The following ELMO1 variants were observed in gnomAD, a reference collection of about 807,000 sequenced individuals.
ELMO1 encodes engulfment and cell motility protein 1.
Under a neutral mutation model 98.9 loss-of-function variants are expected in ELMO1, and 26 were observed. That is an observed-to-expected ratio of 0.26 (90% CI 0.19 to 0.36). The LOEUF (loss-of-function observed/expected upper bound fraction) is 0.36, where lower values mean the gene tolerates loss of function less well. Ranked by LOEUF, ELMO1 falls within the 10% of genes least tolerant of loss-of-function variation. The pLI, the probability that ELMO1 is intolerant of heterozygous loss-of-function variation, is 1.00. For synonymous variants in ELMO1, 346 were observed against 346.0 expected, an observed-to-expected ratio of 1.00 and a Z score of 0.00; for missense variants, 627 against 935.2, an observed-to-expected ratio of 0.67 and a Z score of 4.30.
chr7:37,225,885 C>T (rs1266041321), intron 8 of ELMO1, among the ~76,000 whole-genome samples: 1 of 152,086 alleles, frequency 6.6e-6, no homozygotes, highest in Non-Finnish European at 1.5e-5. Context: ...CAATAAAAAG[C>T]CATTATTATA....
intron 1 of ELMO1, among the ~76,000 whole-genome samples, chr7:37,417,969 G>C (rs978323780): frequency 6.6e-6 from 1 of 152,144 alleles, no homozygotes; most frequent in Non-Finnish European, 1.5e-5. Context: ...AAGCTGGAAG[G>C]GGCAAGGAAA....
chr7:36,909,602 C>G (rs889674520), intron 16 of ELMO1, among the ~76,000 whole-genome samples: 1 of 152,218 alleles, frequency 6.6e-6, no homozygotes, highest in Non-Finnish European at 1.5e-5. Flanking sequence ...GGGTTGGTAA[C>G]TATGGGCTTG....
At chr7:36,997,353 T>C (rs1374856546) in intron 16 of ELMO1, among the ~76,000 whole-genome samples, 2 of 152,238 alleles carry the variant, frequency 1.3e-5, no homozygotes, top group African/African-American at 2.4e-5. Context: ...CAAAAGCCAA[T>C]TGATTTTTCA....
chr7:37,375,441 G>C (rs1562651232), intron 1 of ELMO1: 5 of 635,322 alleles, frequency 7.9e-6, no homozygotes, highest in African/African-American at 1.8e-5. Context: ...GGAATAGCAA[G>C]GGCAGTCAGC....
At chr7:37,112,345 C>T (rs544171814) in intron 14 of ELMO1, among the ~76,000 whole-genome samples, 1 of 152,136 alleles carries the variant, frequency 6.6e-6, no homozygotes, top group South Asian at 2.1e-4. Context: ...GGGTGAGGTT[C>T]TGCAGGATTA....
intron 1 of ELMO1, among the ~76,000 whole-genome samples, chr7:37,406,185 C>T (rs573643790): frequency 1.3e-5 from 2 of 151,766 alleles, no homozygotes; most frequent in South Asian, 4.2e-4. Context: ...GAAACAGAAG[C>T]TTCTTGTTAG....
chr7:37,333,971 G>A (rs559342368), intron 2 of ELMO1, among the ~76,000 whole-genome samples: 2 of 152,276 alleles, frequency 1.3e-5, no homozygotes, highest in African/African-American at 4.8e-5. Flanking sequence ...AAAAGTTACC[G>A]TGGGAGCCAA....
At chr7:36,891,876 T>C (rs1805583887) in intron 17 of ELMO1, among the ~76,000 whole-genome samples, 1 of 152,178 alleles carries the variant, frequency 6.6e-6, no homozygotes, top group African/African-American at 2.4e-5. Context: ...TGTCTTTACA[T>C]CTCCCCTTCC....
intron 2 of ELMO1, among the ~76,000 whole-genome samples, chr7:37,337,823 G>A (rs995789949): frequency 2.6e-5 from 4 of 152,112 alleles, no homozygotes; most frequent in African/African-American, 9.7e-5. Flanking sequence ...AGTTTATGCA[G>A]GGAACAGAAA....
chr7:37,002,714 C>T (rs1338409995), intron 16 of ELMO1, among the ~76,000 whole-genome samples: 1 of 152,038 alleles, frequency 6.6e-6, no homozygotes, highest in East Asian at 1.9e-4. Flanking sequence ...GGATATTGAC[C>T]CTATTAACCA....
intron 13 of ELMO1, among the ~76,000 whole-genome samples, chr7:37,138,201 T>G (rs1787387989): frequency 6.7e-6 from 1 of 149,202 alleles, no homozygotes; most frequent in Admixed American, 6.7e-5. Flanking sequence ...AAAGAAATAA[T>G]GAAGATCAGA....
chr7:37,339,742 C>T (rs376716613), intron 2 of ELMO1, among the ~76,000 whole-genome samples: 3 of 151,946 alleles, frequency 2.0e-5, no homozygotes, highest in South Asian at 2.1e-4. Flanking sequence ...CCTAATTGCC[C>T]GTCTAGGTTT....
chr7:37,122,780 C>T (rs191361473), intron 14 of ELMO1, among the ~76,000 whole-genome samples: 2 of 152,250 alleles, frequency 1.3e-5, no homozygotes, highest in African/African-American at 4.8e-5. Context: ...CTCCACCAAG[C>T]GGACCTAATA....
At chr7:36,940,650 A>C (rs1437263594) in intron 16 of ELMO1, among the ~76,000 whole-genome samples, 1 of 152,252 alleles carries the variant, frequency 6.6e-6, no homozygotes, top group African/African-American at 2.4e-5. Flanking sequence ...ATTGCCTAGC[A>C]CATAGATGTT....
chr7:37,065,092 G>T (rs1796882693), intron 15 of ELMO1, among the ~76,000 whole-genome samples: 1 of 151,860 alleles, frequency 6.6e-6, no homozygotes, highest in Non-Finnish European at 1.5e-5. Context: ...AAAACAAAAT[G>T]AAAACCCAGC....
chr7:36,959,424 G>A (rs1400357818), intron 16 of ELMO1, among the ~76,000 whole-genome samples: 1 of 152,098 alleles, frequency 6.6e-6, no homozygotes, highest in Non-Finnish European at 1.5e-5. Flanking sequence ...CTGGCCCCTG[G>A]CTAATGTTGA....
Position 37,304,924 on chromosome 7 carries a change from T to G in ELMO1, c.192+9926A>C, listed in dbSNP as rs1798533043. Among the ~76,000 whole-genome samples, 5 of 152,188 alleles carry G rather than the reference T, an allele frequency of 3.3e-5. No homozygotes were observed. In the South Asian group the frequency reaches 1.0e-3, roughly 31 times the overall value. On this transcript the variant is annotated intron_variant, in intron 4 of 21. Transcript: ENST00000310758. The stretch of plus-strand genomic sequence containing the variant: ...TGTTCCTCGGTTATTGGAAAATGTG[T>G]CACCACAGTGGAGTGTGACTGTGCA...
At chr7:37,234,230 T>C (rs1794336802) in intron 7 of ELMO1, among the ~76,000 whole-genome samples, 1 of 152,164 alleles carries the variant, frequency 6.6e-6, no homozygotes, top group Non-Finnish European at 1.5e-5. Context: ...ATAAAGTTGG[T>C]TATATAGATT....
chr7:36,897,336 G>GTGTGTGTGTGTGTGTGTGTGCGTA (rs1554351183), intron 16 of ELMO1, among the ~76,000 whole-genome samples: 1 of 148,212 alleles, frequency 6.7e-6, no homozygotes. Context: ...GTGTGTGTGT[G>GTGTGTGTGTGTGTGTGTGTGCGTA]TGTGTGTGTG....
Sources: gnomAD v4.1 joint callset for allele counts (sites outside exome capture counted in the v4.1 genomes callset) on GRCh38, gnomAD v4.1.1 for gene constraint, MANE v1.5 for transcripts, NCBI Gene and HGNC (gene_info 2026-07-23, HGNC 2026-07-21) for gene names.